ERG: variants seen among roughly 807,000 people sequenced by gnomAD.
ERG encodes ETS transcription factor ERG.
Under a neutral mutation model 55.3 loss-of-function variants are expected in ERG, and 9 were observed. The observed-to-expected ratio is 0.16, with a 90% CI of 0.10 to 0.28. ERG has a LOEUF of 0.28. Among genes scored for constraint, ERG ranks in the 10% least tolerant of loss-of-function variants. ERG has a pLI of 1.00. For missense variants in ERG, 434 were observed against 631.6 expected (o/e 0.69, Z 3.35); for synonymous variants, 223 against 237.3 (o/e 0.94, Z 0.55).
At chr21:38,474,852 G>A (rs1173826439) in intron 1 of ERG, among the ~76,000 whole-genome samples, 2 of 152,006 alleles carry the variant, frequency 1.3e-5, no homozygotes, top group Non-Finnish European at 2.9e-5. Context: ...TGAAACAGAT[G>A]AATCAAAGAA....
At chr21:38,639,938 C>T (rs1424641471) in intron 1 of ERG, among the ~76,000 whole-genome samples, 2 of 152,144 alleles carry the variant, frequency 1.3e-5, no homozygotes, top group Admixed American at 6.5e-5. Flanking sequence ...GACAGCCACG[C>T]CTGGAAACAG....
At chr21:38,573,456 C>T (rs949534178) in intron 2 of ERG, among the ~76,000 whole-genome samples, 14 of 152,194 alleles carry the variant, frequency 9.2e-5, no homozygotes, top group African/African-American at 3.1e-4. Context: ...AGAGAAAAAC[C>T]GCCCTATGGT....
chr21:38,655,237 C>T (rs537845568), intron 1 of ERG, among the ~76,000 whole-genome samples: 11 of 152,124 alleles, frequency 7.2e-5, no homozygotes, highest in Non-Finnish European at 1.6e-4. Context: ...CTCTTCCTCC[C>T]ACAGGGCCCT....
At chr21:38,526,001 T>A (rs886986554) in intron 2 of ERG, among the ~76,000 whole-genome samples, 1 of 152,176 alleles carries the variant, frequency 6.6e-6, no homozygotes, top group South Asian at 2.1e-4. Flanking sequence ...TGGGGAAGAA[T>A]AACTCCTTTA....
intron 1 of ERG, among the ~76,000 whole-genome samples, chr21:38,637,115 T>C (rs1042063354): frequency 2.0e-5 from 3 of 152,156 alleles, no homozygotes; most frequent in Admixed American, 6.5e-5. Context: ...ATCCTTCTGC[T>C]CAGCCACTAG....
chr21:38,548,619 T>A (rs1264028573), intron 2 of ERG, among the ~76,000 whole-genome samples: 1 of 34,032 alleles, frequency 2.9e-5, no homozygotes, highest in East Asian at 3.9e-4. Flanking sequence ...GGCTAATTTT[T>A]TTTTTTTTTT....
chr21:38,631,024 G>A (rs943812140), intron 1 of ERG, among the ~76,000 whole-genome samples: 3 of 152,174 alleles, frequency 2.0e-5, no homozygotes, highest in Admixed American at 6.5e-5. Context: ...TGAAACCCCT[G>A]GAATGGAAAG....
intron 1 of ERG, among the ~76,000 whole-genome samples, chr21:38,605,444 C>G (rs764364436): frequency 3.3e-5 from 5 of 152,102 alleles, no homozygotes; most frequent in Non-Finnish European, 7.3e-5. Flanking sequence ...TAGAGAAAAT[C>G]TAACCACCAC....
Position 38,382,657 on chromosome 21 carries a change from C to A in ERG, c.*746G>T. 9.4e-7 allele frequency: 1 copy of A among 1,066,978 alleles called. No homozygotes were observed. Among genetic ancestry groups the A allele is most frequent in the South Asian group, 4.5e-5 (1 of 21,988 alleles). 66.1% of individuals were successfully genotyped at this position (1,066,978 alleles called of 1,614,324 possible). A position where few individuals can be genotyped will look rare whatever the true frequency, so the allele number is the denominator to read the frequency against. On this transcript the variant is annotated 3_prime_UTR_variant, in exon 10 of 10. Coordinates refer to ENST00000288319, the MANE Select transcript of ERG (RefSeq NM_182918.4). ...TTCATTGCTTGAGAAGTTTCTTTCC[C>A]AGCCCTGGTCTCCTCCTTCTCTGCC...
At chr21:38,397,596 CAAAAAAA>C (rs61047146) in intron 6 of ERG, among the ~76,000 whole-genome samples, 4 of 67,164 alleles carry the variant, frequency 6.0e-5, no homozygotes, top group African/African-American at 2.1e-4. Flanking sequence ...GACTCCATCT[CAAAAAAA>C]AAAAAAAAAA....
chr21:38,370,147 G>A, the ERG span, among the ~76,000 whole-genome samples: 1 of 151,970 alleles, frequency 6.6e-6, no homozygotes, highest in African/African-American at 2.4e-5. Flanking sequence ...TATGGTGGGT[G>A]CAAAATAGAT....
intron 1 of ERG, among the ~76,000 whole-genome samples, chr21:38,650,206 C>A (rs1170959839): frequency 6.6e-6 from 1 of 152,126 alleles, no homozygotes. Flanking sequence ...CTACAAAGAA[C>A]CACAGACGAG....
chr21:38,655,170 C>G (rs529711823), intron 1 of ERG, among the ~76,000 whole-genome samples: 42 of 152,162 alleles, frequency 2.8e-4, no homozygotes, highest in African/African-American at 9.9e-4. Context: ...TGAAATGCAC[C>G]TTCTTCAGTG....
intron 2 of ERG, among the ~76,000 whole-genome samples, chr21:38,522,938 C>T (rs927924388): frequency 6.6e-6 from 1 of 152,062 alleles, no homozygotes; most frequent in Non-Finnish European, 1.5e-5. Context: ...ATAAGCTGTA[C>T]GAAATTATTT....
At chr21:38,378,483 T>C (rs969647941), downstream of ERG, among the ~76,000 whole-genome samples, 1 of 152,234 alleles carries the variant, frequency 6.6e-6, no homozygotes, top group Non-Finnish European at 1.5e-5. Context: ...TGTTCATTCA[T>C]GCATATAGCT....
intron 2 of ERG, among the ~76,000 whole-genome samples, chr21:38,566,970 A>C (rs1311111006): frequency 6.6e-6 from 1 of 152,192 alleles, no homozygotes; most frequent in Non-Finnish European, 1.5e-5. Context: ...TCTCCTGGGA[A>C]GTGATTGTGA....
intron 6 of ERG, among the ~76,000 whole-genome samples, chr21:38,396,683 G>C (rs955683270): frequency 3.3e-5 from 5 of 152,200 alleles, no homozygotes; most frequent in Admixed American, 1.3e-4. Flanking sequence ...TGCATGACCT[G>C]CTCCTAAGAG....
intron 1 of ERG, among the ~76,000 whole-genome samples, chr21:38,622,435 C>A (rs75095607): frequency 6.7e-6 from 1 of 148,932 alleles, no homozygotes; most frequent in African/African-American, 2.5e-5. Flanking sequence ...CACACACACA[C>A]CCCCCACACA....
At chr21:38,440,645 G>A (rs1342817672) in intron 2 of ERG, among the ~76,000 whole-genome samples, 1 of 151,918 alleles carries the variant, frequency 6.6e-6, no homozygotes. Context: ...ACATGGTGAA[G>A]CCCCATCTCC....
Sources: gnomAD v4.1 joint callset for allele counts (sites outside exome capture counted in the v4.1 genomes callset) on GRCh38, gnomAD v4.1.1 for gene constraint, MANE v1.5 for transcripts, NCBI Gene and HGNC (gene_info 2026-07-23, HGNC 2026-07-21) for gene names.